The following MNAT1 variants were observed in gnomAD, a reference collection of about 807,000 sequenced individuals.
MNAT1 encodes the protein CDK-activating kinase assembly factor MAT1.
In MNAT1, 43 loss-of-function variants were observed where a neutral mutation model predicts 42.0. The observed-to-expected ratio is 1.02, with a 90% CI of 0.80 to 1.32. The LOEUF (loss-of-function observed/expected upper bound fraction) is 1.32. MNAT1 is among the 40% of genes most tolerant of loss of function. The pLI is 0.00. For missense variants in MNAT1, 306 were observed against 350.4 expected, an observed-to-expected ratio of 0.87 and a Z score of 1.01; for synonymous variants, 118 against 120.0, an observed-to-expected ratio of 0.98 and a Z score of 0.11.
chr14:60,896,228 TA>T (rs2034954480), intron 7 of MNAT1, among the ~76,000 whole-genome samples: 1 of 152,190 alleles, frequency 6.6e-6, no homozygotes, highest in South Asian at 2.1e-4. Context: ...AAACATGTTT[TA>T]TTCTGTGCCA....
intron 5 of MNAT1, among the ~76,000 whole-genome samples, chr14:60,812,585 CTGAT>C (rs1302654857): frequency 1.3e-5 from 2 of 152,218 alleles, no homozygotes; most frequent in Non-Finnish European, 2.9e-5. Context: ...GTGCTTTCCT[CTGAT>C]TGATCCCCAC....
At position 60,968,772 on chromosome 14, in the gene MNAT1, A is replaced by G. The variant is rs2036729575; in HGVS notation, c.*423A>G. Reference sequence around the variant, plus strand: ...ACATTTACTGTTAATATCCAAGTCTATTATTTCTTCTCATAAAATGTTCCC... The same window carrying G: ...ACATTTACTGTTAATATCCAAGTCTGTTATTTCTTCTCATAAAATGTTCCC... On this transcript the variant is annotated 3_prime_UTR_variant, in exon 8 of 8. Transcript: ENST00000261245. The G allele has an allele frequency of 7.4e-6, 2 of 271,866 alleles. No individual in the cohort carries two copies. The highest frequency in any genetic ancestry group is 1.4e-5 in the Non-Finnish European group (2 of 141,686). The allele number at this position is 271,866 out of a possible 1,614,324, so 16.8% of individuals were successfully genotyped here.
intron 7 of MNAT1, among the ~76,000 whole-genome samples, chr14:60,955,480 G>A (rs1280472231): frequency 6.6e-6 from 1 of 152,070 alleles, no homozygotes; most frequent in Admixed American, 6.6e-5. Flanking sequence ...TGGCCAACAT[G>A]GTGAAACCCC....
chr14:60,739,090 G>T (rs948926260), intron 1 of MNAT1, among the ~76,000 whole-genome samples: 1 of 152,126 alleles, frequency 6.6e-6, no homozygotes, highest in African/African-American at 2.4e-5. Flanking sequence ...GGAGGCTTCA[G>T]TTCCTCCCCA....
At chr14:60,880,572 G>T (rs926130951) in intron 7 of MNAT1, among the ~76,000 whole-genome samples, 4 of 151,998 alleles carry the variant, frequency 2.6e-5, no homozygotes, top group Admixed American at 1.3e-4. Context: ...AAAAAAGTGG[G>T]TAAATCGAGT....
At chr14:60,906,984 C>T (rs1455772745) in intron 7 of MNAT1, among the ~76,000 whole-genome samples, 1 of 152,142 alleles carries the variant, frequency 6.6e-6, no homozygotes, top group Non-Finnish European at 1.5e-5. Context: ...ACCCCAATAG[C>T]CACAAACTTA....
intron 3 of MNAT1, among the ~76,000 whole-genome samples, chr14:60,807,159 T>C (rs2284702): frequency 0.86 from 130,553 of 152,198 alleles, 58,002 homozygotes; most frequent in Non-Finnish European, 0.98. Context: ...GTGATTATGA[T>C]AAATTGATGT....
At chr14:60,878,301 G>T (rs2034476090) in intron 6 of MNAT1, among the ~76,000 whole-genome samples, 1 of 152,002 alleles carries the variant, frequency 6.6e-6, no homozygotes, top group African/African-American at 2.4e-5. Flanking sequence ...AATAACTGAG[G>T]GTCCTAGGAA....
At chr14:60,761,487 A>G (rs951396989) in intron 1 of MNAT1, among the ~76,000 whole-genome samples, 1 of 152,212 alleles carries the variant, frequency 6.6e-6, no homozygotes, top group South Asian at 2.1e-4. Context: ...GGGATTATCT[A>G]ATTTTCAGGT....
chr14:60,918,001 C>T (rs2035563423), intron 7 of MNAT1, among the ~76,000 whole-genome samples: 1 of 152,020 alleles, frequency 6.6e-6, no homozygotes, highest in Non-Finnish European at 1.5e-5. Context: ...CTTTCAAATA[C>T]ATCAGCAGGT....
At chr14:60,748,163 C>T (rs1465431930) in intron 1 of MNAT1, among the ~76,000 whole-genome samples, 1 of 151,498 alleles carries the variant, frequency 6.6e-6, no homozygotes, top group African/African-American at 2.4e-5. Context: ...CGCTACTGCA[C>T]TCCAGCCTGG....
rs550360692 is a variant in MNAT1, at chr14:60,876,430, G to A, written c.688-3284G>A. On this transcript the variant is annotated intron_variant, in intron 6 of 7. Coordinates refer to ENST00000261245, the MANE Select transcript of MNAT1 (RefSeq NM_002431.4). ...TTAAAAAAATTGTGGTAAAATACAT[G>A]TAACATAAAAGTTCATGTAATCCCT... is the stretch of plus-strand genomic sequence containing the variant. 2.0e-5 allele frequency among the ~76,000 whole-genome samples: 3 copies of A among 152,100 alleles called. No homozygotes were observed. In the South Asian group the frequency reaches 6.2e-4, roughly 32 times the overall value.
intron 1 of MNAT1, among the ~76,000 whole-genome samples, chr14:60,766,498 C>T (rs59690386): frequency 2.6e-5 from 4 of 151,956 alleles, no homozygotes; most frequent in Non-Finnish European, 5.9e-5. Context: ...TGGATCATGA[C>T]GTCAGGAGAT....
intron 7 of MNAT1, among the ~76,000 whole-genome samples, chr14:60,922,239 C>A (rs2035676538): frequency 6.6e-6 from 1 of 152,046 alleles, no homozygotes; most frequent in Non-Finnish European, 1.5e-5. Context: ...GGCAGTGAGT[C>A]AGAATATAAT....
intron 7 of MNAT1, among the ~76,000 whole-genome samples, chr14:60,913,739 T>G (rs1322644575): frequency 2.6e-5 from 4 of 152,142 alleles, no homozygotes; most frequent in Non-Finnish European, 5.9e-5. Flanking sequence ...CTGCCCCTAC[T>G]GGGGGGTACC....
intron 7 of MNAT1, among the ~76,000 whole-genome samples, chr14:60,914,452 C>A (rs191976015): frequency 1.3e-5 from 2 of 152,116 alleles, no homozygotes; most frequent in Non-Finnish European, 2.9e-5. Flanking sequence ...TGTTCCTATT[C>A]GGCCATCTTG....
chr14:60,854,102 C>T (rs1001172071), intron 6 of MNAT1, among the ~76,000 whole-genome samples: 34 of 152,284 alleles, frequency 2.2e-4, no homozygotes, highest in South Asian at 1.5e-3. Context: ...GCTATTGATA[C>T]TTGTGTATGC....
chr14:60,802,180 A>T (rs2032224684), intron 3 of MNAT1, among the ~76,000 whole-genome samples: 1 of 152,150 alleles, frequency 6.6e-6, no homozygotes, highest in Non-Finnish European at 1.5e-5. Context: ...ACATTGGAGA[A>T]TAGGCAGTAT....
chr14:60,746,628 G>T (rs1594718392), intron 1 of MNAT1, among the ~76,000 whole-genome samples: 1 of 150,894 alleles, frequency 6.6e-6, no homozygotes, highest in East Asian at 1.9e-4. Flanking sequence ...TATGAGGGAT[G>T]GTGCTGATCA....
Sources: allele counts gnomAD v4.1 joint callset (sites outside exome capture counted in the v4.1 genomes callset), GRCh38; gene constraint gnomAD v4.1.1; transcripts MANE v1.5; gene names NCBI Gene and HGNC (gene_info 2026-07-23, HGNC 2026-07-21).